TOM1L1: variants seen among roughly 807,000 people sequenced by gnomAD.
TOM1L1 encodes the protein target of myb1 like 1 membrane trafficking protein.
Under a neutral mutation model 63.4 loss-of-function variants are expected in TOM1L1, and 64 were observed. The observed-to-expected ratio is 1.01, with a 90% CI of 0.83 to 1.24. The LOEUF is 1.24. Ranked by LOEUF, TOM1L1 falls within the 50% of genes most tolerant of loss-of-function variation. The pLI is 0.00. For missense variants in TOM1L1, 536 were observed against 567.0 expected, an observed-to-expected ratio of 0.95 and a Z score of 0.55; for synonymous variants, 166 against 194.4, an observed-to-expected ratio of 0.85 and a Z score of 1.22.
At chr17:54,901,112 T>A in intron 1 of TOM1L1, 189 bp downstream of exon 1, 2 of 741,480 alleles carry the variant, frequency 2.7e-6, no homozygotes, top group Non-Finnish European at 4.4e-6. Context: ...CTTGGCCAAC[T>A]CACTGTAGAA....
intron 11 of TOM1L1, among the ~76,000 whole-genome samples, chr17:54,943,441 GGT>G (rs10694555): frequency 0.026 from 3,546 of 134,340 alleles, 53 homozygotes; most frequent in Middle Eastern, 0.062. Flanking sequence ...TTTGTATAAT[GGT>G]GTGTGTGTGT....
chr17:54,900,926 A>G lies in TOM1L1; in HGVS notation c.58+3A>G. 2 of 1,613,886 alleles carry G rather than the reference A, an allele frequency of 1.2e-6. No homozygotes were observed. Among genetic ancestry groups the G allele is most frequent in the Non-Finnish European group, 1.7e-6 (2 of 1,180,000 alleles). Reference sequence around the variant, plus strand: ...GACCTCCGTGGGCCACCTCATAGGTAAGGAGGCGCGGGGAGAGACGCCCAG... The same window carrying G: ...GACCTCCGTGGGCCACCTCATAGGTGAGGAGGCGCGGGGAGAGACGCCCAG... On this transcript the variant is annotated splice_donor_region_variant and intron_variant, in intron 1 of 15. Transcript: ENST00000575882.
At chr17:54,925,350 T>C (rs978463151) in intron 7 of TOM1L1, among the ~76,000 whole-genome samples, 2 of 152,190 alleles carry the variant, frequency 1.3e-5, no homozygotes, top group African/African-American at 2.4e-5. Context: ...GACCTCATTC[T>C]CCTTCCTTCC....
intron 11 of TOM1L1, among the ~76,000 whole-genome samples, chr17:54,939,688 C>CTTAA (rs1253593788): frequency 6.6e-6 from 1 of 152,094 alleles, no homozygotes; most frequent in African/African-American, 2.4e-5. Context: ...CTCTTAATAG[C>CTTAA]TGGGACTACA....
chr17:54,919,721 A>T (rs1319860614), intron 7 of TOM1L1, among the ~76,000 whole-genome samples: 1 of 151,902 alleles, frequency 6.6e-6, no homozygotes, highest in Non-Finnish European at 1.5e-5. Flanking sequence ...GTGGAATGTT[A>T]TTTTTCTTTG....
Position 54,961,258 on chromosome 17 carries a change from T to C in TOM1L1, c.*25T>C, listed in dbSNP as rs1403582026. On this transcript the variant is annotated 3_prime_UTR_variant, in exon 16 of 16. Coordinates refer to ENST00000575882, the MANE Select transcript of TOM1L1 (RefSeq NM_005486.3). ...AGAAGAAAGTGGATGATCAGCTCACTACCACATCAAAGGTGCCAACTCTCT... is the reference window on the plus strand; with the variant it reads ...AGAAGAAAGTGGATGATCAGCTCACCACCACATCAAAGGTGCCAACTCTCT... 6.5e-7 allele frequency: 1 copy of C among 1,550,368 alleles called. No individual in the cohort carries two copies. Among genetic ancestry groups the C allele is most frequent in the Admixed American group, 2.0e-5 (1 of 51,002 alleles).
At position 54,960,647 on chromosome 17, in the gene TOM1L1, CA is replaced by C; in HGVS notation, c.*1+22del. The C allele has an allele frequency of 6.5e-7, 1 of 1,550,056 alleles. No homozygotes were observed. Among genetic ancestry groups the C allele is most frequent in the Non-Finnish European group, 8.9e-7 (1 of 1,122,768 alleles). ...ACTGAGGTAAAGACTTCAACTTATA[CA>C]ACTTAATTCCATATTCCATATAATT... On this transcript the variant is annotated intron_variant, in intron 15 of 15. Coordinates refer to ENST00000575882, the MANE Select transcript of TOM1L1 (RefSeq NM_005486.3).
intron 7 of TOM1L1, among the ~76,000 whole-genome samples, chr17:54,921,300 GAA>G (rs1266140417): frequency 2.6e-5 from 4 of 152,094 alleles, no homozygotes; most frequent in Non-Finnish European, 4.4e-5. Context: ...TTTGTTATGA[GAA>G]AGGTTTTCAG....
intron 1 of TOM1L1, among the ~76,000 whole-genome samples, chr17:54,901,498 A>T (rs2048326704): frequency 2.6e-5 from 4 of 152,066 alleles, no homozygotes. Context: ...GGGGCCACGG[A>T]GGTCTCTCGC....
chr17:54,909,955 A>G (rs2048471076), intron 3 of TOM1L1, among the ~76,000 whole-genome samples: 1 of 152,188 alleles, frequency 6.6e-6, no homozygotes, highest in African/African-American at 2.4e-5. Flanking sequence ...GGAGGGTGAA[A>G]GAGGTTCTGG....
At chr17:54,907,435 G>A (rs547259567) in intron 3 of TOM1L1, among the ~76,000 whole-genome samples, 36 of 152,208 alleles carry the variant, frequency 2.4e-4, no homozygotes, top group Non-Finnish European at 4.4e-4. Flanking sequence ...CCAGTCCTCA[G>A]ATTCTAAATT....
chr17:54,927,333 A>G (rs1280575780), intron 7 of TOM1L1, among the ~76,000 whole-genome samples: 1 of 152,182 alleles, frequency 6.6e-6, no homozygotes. Context: ...GGCTCTTTCA[A>G]GAGAGATATT....
chr17:54,905,389 C>T (rs140015252), intron 2 of TOM1L1, 100 bp from the exon 3 acceptor site: 10 of 788,890 alleles, frequency 1.3e-5, no homozygotes, highest in East Asian at 2.5e-5. Flanking sequence ...GTTTTCTGCT[C>T]CTTAGCCATT....
intron 8 of TOM1L1, among the ~76,000 whole-genome samples, chr17:54,930,943 G>A (rs1428051360): frequency 6.6e-6 from 1 of 152,156 alleles, no homozygotes; most frequent in East Asian, 1.9e-4. Context: ...GAGAGGCTGA[G>A]GTGGGAGGAT....
At chr17:54,959,887 G>A (rs2077069329) in intron 14 of TOM1L1, among the ~76,000 whole-genome samples, 1 of 152,064 alleles carries the variant, frequency 6.6e-6, no homozygotes, top group Admixed American at 6.5e-5. Context: ...AGAGTGCTGG[G>A]ATTATAGGTG....
rs2048804215 is a variant in TOM1L1, at chr17:54,928,433, TC to T, written c.721-1638del. Among the ~76,000 whole-genome samples the T allele has an allele frequency of 2.0e-5, 3 of 152,186 alleles. No individual in the cohort carries two copies. The South Asian group carries it at 6.2e-4, about 32-fold the overall frequency. On this transcript the variant is annotated intron_variant, in intron 7 of 15. Coordinates refer to ENST00000575882, the MANE Select transcript of TOM1L1 (RefSeq NM_005486.3). The stretch of plus-strand genomic sequence containing the variant: ...AAATTTTAGCCACATTTCCCCAACT[TC>T]CATAGCAGGCATATATATGGGAGAT...
Position 54,948,233 on chromosome 17 carries a change from C to A in TOM1L1, c.1182+921C>A, listed in dbSNP as rs78926760. ...TCAACCTTTGCCTCCCTTCGCATCC[C>A]TCCCACCCACCTCATAATCTGTTCT... On this transcript the variant is annotated intron_variant, in intron 12 of 15. Coordinates refer to ENST00000575882, the MANE Select transcript of TOM1L1 (RefSeq NM_005486.3). Among the ~76,000 whole-genome samples, 430 of 152,302 alleles carry A rather than the reference C, an allele frequency of 2.8e-3. 9 individuals are homozygous for A. Among genetic ancestry groups the A allele is most frequent in the East Asian group, 0.024 (125 of 5,184 alleles).
At chr17:54,904,492 C>T (rs12949718) in intron 2 of TOM1L1, among the ~76,000 whole-genome samples, 46,005 of 152,066 alleles carry the variant, frequency 0.3, 6,979 homozygotes, top group Non-Finnish European at 0.31. Flanking sequence ...GGTTGACTCC[C>T]GGTGGTGACC....
chr17:54,939,607 G>T (rs1223331577), intron 11 of TOM1L1, among the ~76,000 whole-genome samples: 1 of 152,094 alleles, frequency 6.6e-6, no homozygotes. Flanking sequence ...ACTCAGGCTG[G>T]AGTACAGTAG....
Sources: allele counts gnomAD v4.1 joint callset (sites outside exome capture counted in the v4.1 genomes callset), GRCh38; gene constraint gnomAD v4.1.1; transcripts MANE v1.5; gene names NCBI Gene and HGNC (gene_info 2026-07-23, HGNC 2026-07-21).